HNRNPC: variants seen among roughly 807,000 people sequenced by gnomAD.
The protein encoded by HNRNPC is heterogeneous nuclear ribonucleoprotein C.
In HNRNPC, 3 loss-of-function variants were observed where a neutral mutation model predicts 33.2. That is an observed-to-expected ratio of 0.09 (90% CI 0.04 to 0.23). The LOEUF is 0.23. Ranked by LOEUF, HNRNPC falls within the 10% of genes least tolerant of loss-of-function variation. The pLI, the probability that HNRNPC is intolerant of heterozygous loss-of-function variation, is 1.00. For synonymous variants in HNRNPC, 121 were observed against 126.7 expected, an observed-to-expected ratio of 0.96 and a Z score of 0.30; for missense variants, 143 against 366.7, an observed-to-expected ratio of 0.39 and a Z score of 4.98.
At chr14:21,257,785 T>G (rs911554062) in intron 2 of HNRNPC, among the ~76,000 whole-genome samples, 28 of 152,068 alleles carry the variant, frequency 1.8e-4, no homozygotes, top group African/African-American at 6.3e-4. Context: ...TGCCAGACTT[T>G]CCTGGCCTTA....
At chr14:21,248,732 T>A (rs1413440812) in intron 2 of HNRNPC, among the ~76,000 whole-genome samples, 1 of 152,216 alleles carries the variant, frequency 6.6e-6, no homozygotes, top group Non-Finnish European at 1.5e-5. Flanking sequence ...TTAATTACAG[T>A]GTCTACTGCA....
At chr14:21,226,781 G>T (rs1893489039) in intron 5 of HNRNPC, among the ~76,000 whole-genome samples, 1 of 148,782 alleles carries the variant, frequency 6.7e-6, no homozygotes, top group East Asian at 2.0e-4. Context: ...CTGGGAGACT[G>T]AAGCAGGAGA....
At chr14:21,265,188 T>C (rs1027873140) in intron 1 of HNRNPC, 5 of 152,214 alleles carry the variant, frequency 3.3e-5, no homozygotes, top group African/African-American at 1.2e-4. Context: ...GGAAAAAGTT[T>C]GTGAAGAATT....
At chr14:21,262,130 C>A (rs1368217229) in intron 2 of HNRNPC, among the ~76,000 whole-genome samples, 2 of 152,128 alleles carry the variant, frequency 1.3e-5, no homozygotes, top group African/African-American at 2.4e-5. Flanking sequence ...TTTTTAAAAG[C>A]CCTCCAGTGA....
intron 2 of HNRNPC, among the ~76,000 whole-genome samples, chr14:21,254,057 T>C (rs1896961375): frequency 7.8e-6 from 1 of 127,522 alleles, no homozygotes; most frequent in Non-Finnish European, 1.6e-5. Flanking sequence ...TGAGATTCCG[T>C]CTCAAAAAAA....
intron 2 of HNRNPC, among the ~76,000 whole-genome samples, chr14:21,236,939 G>C (rs985425669): frequency 3.3e-5 from 5 of 152,170 alleles, no homozygotes; most frequent in Admixed American, 3.3e-4. Context: ...TTCACTGACT[G>C]TGGGAGAAAT....
At chr14:21,212,918 A>G in intron 6 of HNRNPC, 42 bp downstream of exon 6, 2 of 1,608,476 alleles carry the variant, frequency 1.2e-6, no homozygotes, top group Non-Finnish European at 1.7e-6. Flanking sequence ...CCTATCTCAA[A>G]ACACAAGAGA....
At chr14:21,254,918 G>C (rs1225462356) in intron 2 of HNRNPC, among the ~76,000 whole-genome samples, 1 of 136,290 alleles carries the variant, frequency 7.3e-6, no homozygotes, top group African/African-American at 3.0e-5. Context: ...CGAGACTCTA[G>C]TCTCAAAAAA....
chr14:21,256,374 G>C (rs1050364657), intron 2 of HNRNPC, among the ~76,000 whole-genome samples: 1 of 151,888 alleles, frequency 6.6e-6, no homozygotes, highest in African/African-American at 2.4e-5. Flanking sequence ...GCTTGAACCC[G>C]GGAGGCAGAG....
chr14:21,256,011 A>G (rs1429639023), intron 2 of HNRNPC, among the ~76,000 whole-genome samples: 1 of 152,228 alleles, frequency 6.6e-6, no homozygotes, highest in Non-Finnish European at 1.5e-5. Context: ...ACAGTTAAGA[A>G]GGCCAGTGTG....
chr14:21,255,645 G>A (rs367668841), intron 2 of HNRNPC, among the ~76,000 whole-genome samples: 5 of 152,244 alleles, frequency 3.3e-5, no homozygotes, highest in African/African-American at 1.2e-4. Flanking sequence ...TTAATTAGAA[G>A]GAAAATACTA....
chr14:21,226,276 C>A (rs1409465376), intron 5 of HNRNPC, among the ~76,000 whole-genome samples: 1 of 148,580 alleles, frequency 6.7e-6, no homozygotes, highest in African/African-American at 2.5e-5. Flanking sequence ...GAACCGAGAT[C>A]TGCACCACTG....
At chr14:21,227,212 ACTC>A (rs969053204) in intron 5 of HNRNPC, among the ~76,000 whole-genome samples, 8 of 150,994 alleles carry the variant, frequency 5.3e-5, no homozygotes, top group African/African-American at 2.0e-4. Context: ...CTAAACAAAC[ACTC>A]CTCCTCCTTT....
intron 2 of HNRNPC, among the ~76,000 whole-genome samples, chr14:21,237,143 T>A (rs1310218683): frequency 6.6e-6 from 1 of 152,206 alleles, no homozygotes; most frequent in Non-Finnish European, 1.5e-5. Flanking sequence ...AGCAGTTGCA[T>A]CCCTGTAAAG....
At chr14:21,246,435 G>C (rs185213678) in intron 2 of HNRNPC, among the ~76,000 whole-genome samples, 2 of 151,990 alleles carry the variant, frequency 1.3e-5, no homozygotes, top group African/African-American at 4.8e-5. Flanking sequence ...GCGTGTTGGC[G>C]GGTACCTGTA....
At chr14:21,219,189 A>G (rs575636598) in intron 5 of HNRNPC, among the ~76,000 whole-genome samples, 1 of 152,162 alleles carries the variant, frequency 6.6e-6, no homozygotes, top group Non-Finnish European at 1.5e-5. Context: ...AACATAGAAG[A>G]GTAAGAAGTT....
At chr14:21,218,672 ACTCT>A (rs1223033389) in intron 5 of HNRNPC, among the ~76,000 whole-genome samples, 9 of 97,866 alleles carry the variant, frequency 9.2e-5, no homozygotes, top group South Asian at 7.8e-4. Flanking sequence ...ACAAAGCGAA[ACTCT>A]CTCTCAAAAA....
chr14:21,254,706 G>A (rs1370439947), intron 2 of HNRNPC: 1 of 152,146 alleles, frequency 6.6e-6, no homozygotes, highest in Non-Finnish European at 1.5e-5. Context: ...GCGAGTTCGA[G>A]ACCAGCCTGG....
chr14:21,259,558 T>G (rs975935246), intron 2 of HNRNPC, among the ~76,000 whole-genome samples: 2 of 152,140 alleles, frequency 1.3e-5, no homozygotes, highest in Non-Finnish European at 2.9e-5. Flanking sequence ...TCTGCTCCCT[T>G]CATTCATTCC....
Sources: gnomAD v4.1 joint callset for allele counts (sites outside exome capture counted in the v4.1 genomes callset) on GRCh38, gnomAD v4.1.1 for gene constraint, MANE v1.5 for transcripts, NCBI Gene and HGNC (gene_info 2026-07-23, HGNC 2026-07-21) for gene names.